Variants in CTNNA3 observed in about 807,000 individuals in gnomAD.
CTNNA3 encodes catenin alpha 3.
In CTNNA3, 76 loss-of-function variants were observed where a neutral mutation model predicts 95.7. The observed-to-expected ratio is 0.79, with a 90% confidence interval of 0.66 to 0.96. The LOEUF is 0.96. Among genes scored for constraint, CTNNA3 ranks in the 40% least tolerant of loss-of-function variants. The probability of loss-of-function intolerance (pLI) is 0.00; values close to 1 mark genes in which losing one functional copy is unlikely to be tolerated. For synonymous variants in CTNNA3, 431 were observed against 374.4 expected, an observed-to-expected ratio of 1.15 and a Z score of -1.74; for missense variants, 1,191 against 1,089.8, an observed-to-expected ratio of 1.09 and a Z score of -1.31.
rs576320888 is a variant in CTNNA3 at position 67,564,086 on chromosome 10, G to A, written c.293-24417C>T. Among the ~76,000 whole-genome samples the A allele has an allele frequency of 6.0e-5, 9 of 149,876 alleles. 1 individual carries two copies. The highest frequency in any genetic ancestry group is 1.2e-4 in the African/African-American group (5 of 40,344). On this transcript the variant is annotated intron_variant, in intron 3 of 17. Transcript: ENST00000433211. Reference sequence around the variant, plus strand: ...CAACCATTGTCGAAGACAGTGTGGCGATTCCTTAAGGATCTAGAACTAGAA... The same window carrying A: ...CAACCATTGTCGAAGACAGTGTGGCAATTCCTTAAGGATCTAGAACTAGAA...
chr10:66,548,305 T>A (rs2132098943), intron 10 of CTNNA3, among the ~76,000 whole-genome samples: 1 of 152,302 alleles, frequency 6.6e-6, no homozygotes, highest in Non-Finnish European at 1.5e-5. Flanking sequence ...GAATTGCAAT[T>A]GATTTTTTAA....
At chr10:67,594,853 A>C (rs1480400011) in intron 3 of CTNNA3, among the ~76,000 whole-genome samples, 1 of 152,074 alleles carries the variant, frequency 6.6e-6, no homozygotes, top group African/African-American at 2.4e-5. Context: ...CACTGTACCC[A>C]GTTTGTAGTT....
chr10:67,177,062 A>AACATATAT (rs1862278385), intron 7 of CTNNA3: 1 of 443,766 alleles, frequency 2.3e-6, no homozygotes, highest in Non-Finnish European at 4.5e-6. Context: ...AAACTAACCA[A>AACATATAT]ACATATATAC....
At chr10:66,419,490 A>G (rs2093173967) in intron 11 of CTNNA3, among the ~76,000 whole-genome samples, 1 of 152,146 alleles carries the variant, frequency 6.6e-6, no homozygotes, top group Admixed American at 6.5e-5. Context: ...GACTCAATGC[A>G]ATCCCTATGA....
Position 66,692,955 on chromosome 10 carries a change from G to A in CTNNA3, c.1282-71171C>T, listed in dbSNP as rs548278522. On this transcript the variant is annotated intron_variant, in intron 9 of 17. Transcript: ENST00000433211. The stretch of plus-strand genomic sequence containing the variant: ...CCAGGCCTGCCCTAAAAGAGCTCCT[G>A]AAGGAAGCACTAAACGTGGAAAGCA... Among the ~76,000 whole-genome samples, 5 of 152,266 alleles carry A rather than the reference G, an allele frequency of 3.3e-5. No individual in the cohort carries two copies. The East Asian group carries it at 9.7e-4, about 29-fold the overall frequency.
At chr10:67,480,679 T>C (rs1361169148) in intron 5 of CTNNA3, among the ~76,000 whole-genome samples, 2 of 152,316 alleles carry the variant, frequency 1.3e-5, no homozygotes, top group African/African-American at 2.4e-5. Context: ...CTATAACCTA[T>C]AGAAACAATG....
chr10:66,693,006 G>A (rs1265087823), intron 9 of CTNNA3, among the ~76,000 whole-genome samples: 3 of 152,092 alleles, frequency 2.0e-5, no homozygotes, highest in African/African-American at 7.2e-5. Flanking sequence ...CACTGCAAAA[G>A]CATGCCAAAT....
intron 5 of CTNNA3, among the ~76,000 whole-genome samples, chr10:67,379,592 G>T (rs949371244): frequency 6.6e-6 from 1 of 152,050 alleles, no homozygotes; most frequent in South Asian, 2.1e-4. Context: ...TACTTTAAAG[G>T]CTCTTGGTAA....
intron 9 of CTNNA3, among the ~76,000 whole-genome samples, chr10:66,740,387 G>T (rs1258739053): frequency 1.3e-5 from 2 of 152,150 alleles, no homozygotes; most frequent in Non-Finnish European, 2.9e-5. Context: ...AGGTTTAGAA[G>T]ATTTTATGTT....
At chr10:66,920,659 G>GTCTCAT (rs1389080499) in intron 7 of CTNNA3, among the ~76,000 whole-genome samples, 1 of 152,088 alleles carries the variant, frequency 6.6e-6, no homozygotes, top group Non-Finnish European at 1.5e-5. Context: ...AAGAACTAAA[G>GTCTCAT]TCTCATAAAA....
intron 11 of CTNNA3, among the ~76,000 whole-genome samples, chr10:66,433,533 C>G (rs1217728657): frequency 6.6e-6 from 1 of 152,122 alleles, no homozygotes; most frequent in Non-Finnish European, 1.5e-5. Flanking sequence ...TTTATAGATT[C>G]TGGATATTAG....
At chr10:67,665,392 A>G (rs918842140) in intron 1 of CTNNA3, 52 of 152,240 alleles carry the variant, frequency 3.4e-4, no homozygotes, top group African/African-American at 1.2e-3. Flanking sequence ...AAAATTGCAC[A>G]ACATAATAGT....
At chr10:66,082,220 C>T (rs949526977) in intron 14 of CTNNA3, among the ~76,000 whole-genome samples, 8 of 150,982 alleles carry the variant, frequency 5.3e-5, no homozygotes, top group African/African-American at 1.9e-4. Flanking sequence ...AAGCCAGCAA[C>T]CAACACCAAA....
At chr10:67,125,102 T>C (rs1859656098) in intron 7 of CTNNA3, among the ~76,000 whole-genome samples, 1 of 152,240 alleles carries the variant, frequency 6.6e-6, no homozygotes, top group Admixed American at 6.5e-5. Context: ...TGCTTTTACC[T>C]GTTTGTTTCA....
chr10:66,618,996 A>C (rs1291922832), intron 10 of CTNNA3, among the ~76,000 whole-genome samples: 1,760 of 152,192 alleles, frequency 0.012, 40 homozygotes, highest in African/African-American at 0.039. Context: ...AAATGCAAAT[A>C]AAAACCACAA....
chr10:67,734,293 CT>C (rs1395275959), intron 1 of CTNNA3, among the ~76,000 whole-genome samples: 1 of 151,992 alleles, frequency 6.6e-6, no homozygotes, highest in Non-Finnish European at 1.5e-5. Flanking sequence ...GCAGATAAGA[CT>C]AAAAAATCAA....
rs1371478884 is a variant in CTNNA3, at chr10:65,966,730, C to G, written c.2282G>C (p.Cys761Ser). ...QIANQCPDPS[C>S]KQDLLAYLEQ... ...CAGGTAGGCCAACAAGTCCTGTTTA[C>G]AAGATGGATCTGGGCACTAAATATG... Residue 761 changes from cysteine to serine, a missense_variant, in exon 17 of 18, where the codon TGT becomes TCT. Cys to Ser is a moderately radical substitution (Grantham distance 112). Coordinates refer to ENST00000433211, the MANE Select transcript of CTNNA3 (RefSeq NM_013266.4). 3 of 1,611,584 alleles carry G rather than the reference C, an allele frequency of 1.9e-6. No individual in the cohort carries two copies. The East Asian group carries it at 6.7e-5, about 36-fold the overall frequency.
intron 5 of CTNNA3, among the ~76,000 whole-genome samples, chr10:67,289,529 A>T (rs549878150): frequency 2.6e-5 from 4 of 152,316 alleles, no homozygotes; most frequent in African/African-American, 9.6e-5. Context: ...GCCGTTAATC[A>T]AACATTTGGC....
intron 2 of CTNNA3, among the ~76,000 whole-genome samples, chr10:67,626,705 T>C (rs1170745433): frequency 2.0e-5 from 3 of 152,158 alleles, no homozygotes; most frequent in Non-Finnish European, 4.4e-5. Context: ...ATCTCTACTC[T>C]TTTTTGCATT....
Sources: allele counts gnomAD v4.1 joint callset (sites outside exome capture counted in the v4.1 genomes callset), GRCh38; gene constraint gnomAD v4.1.1; transcripts MANE v1.5; gene names NCBI Gene and HGNC (gene_info 2026-07-23, HGNC 2026-07-21).